SYT1: variants seen among roughly 807,000 people sequenced by gnomAD.
The protein encoded by SYT1 is synaptotagmin 1, also known as synaptotagmin-1.
In SYT1, 8 loss-of-function variants were observed where a neutral mutation model predicts 44.8. The ratio of observed to expected loss-of-function variants is 0.18; its 90% CI spans 0.10 to 0.32. The LOEUF is 0.32. SYT1 is among the 10% of genes least tolerant of loss of function. The pLI is 1.00. For missense variants in SYT1, 286 were observed against 509.3 expected (o/e 0.56, Z 4.22); for synonymous variants, 154 against 188.8 (o/e 0.82, Z 1.51).
chr12:79,109,387 G>A lies in SYT1; in HGVS notation c.-18+62025G>A, dbSNP rs539430303. Among the ~76,000 whole-genome samples the A allele has an allele frequency of 3.3e-5, 5 of 152,236 alleles. No individual in the cohort carries two copies. In the East Asian group the frequency reaches 5.8e-4, roughly 18 times the overall value. On this transcript the variant is annotated intron_variant, in intron 3 of 10. Coordinates refer to ENST00000261205, the MANE Select transcript of SYT1 (RefSeq NM_005639.3). ...TCACCATTTTGTAGATAAAAGAATC[G>A]AGGGTCAGAGAAGTTACATGAATGT...
chr12:79,326,688 G>A (rs924612268), intron 8 of SYT1, among the ~76,000 whole-genome samples: 3 of 152,148 alleles, frequency 2.0e-5, no homozygotes, highest in South Asian at 2.1e-4. Flanking sequence ...CCTGCGAGAG[G>A]CAGCTGATTG....
At position 78,950,869 on chromosome 12, in the gene SYT1, A is replaced by G. The variant is rs188188653; in HGVS notation, c.-216-26930A>G. Among the ~76,000 whole-genome samples the G allele has an allele frequency of 2.0e-5, 3 of 152,262 alleles. No individual in the cohort carries two copies. The East Asian group carries it at 5.8e-4, about 29-fold the overall frequency. On this transcript the variant is annotated intron_variant, in intron 1 of 10. Coordinates refer to ENST00000261205, the MANE Select transcript of SYT1 (RefSeq NM_005639.3). The stretch of plus-strand genomic sequence containing the variant: ...TAACAGGAAACCTGGCTGTTCAGAC[A>G]AAAATGGAGTTGCCATAGTGCTCTA...
At chr12:78,987,068 A>G (rs1806503446) in intron 2 of SYT1, among the ~76,000 whole-genome samples, 1 of 152,064 alleles carries the variant, frequency 6.6e-6, no homozygotes, top group Admixed American at 6.6e-5. Flanking sequence ...TGGTCACCTT[A>G]AATTTCAGAT....
intron 3 of SYT1, among the ~76,000 whole-genome samples, chr12:79,075,075 G>A (rs937198125): frequency 2.0e-5 from 3 of 151,996 alleles, no homozygotes; most frequent in Non-Finnish European, 2.9e-5. Context: ...CCAGAACCAG[G>A]GATTAGAAGA....
chr12:79,274,368 A>C (rs1878597400), intron 4 of SYT1, among the ~76,000 whole-genome samples: 1 of 152,250 alleles, frequency 6.6e-6, no homozygotes, highest in South Asian at 2.1e-4. Context: ...CTTCTGCTGA[A>C]GTCTGCAGGT....
intron 4 of SYT1, among the ~76,000 whole-genome samples, chr12:79,226,968 C>T (rs539306857): frequency 7.2e-5 from 11 of 152,174 alleles, no homozygotes; most frequent in South Asian, 2.1e-4. Flanking sequence ...ATGCTAATGA[C>T]GGGTAACAAA....
At chr12:79,171,077 C>T (rs1592814882) in intron 3 of SYT1, among the ~76,000 whole-genome samples, 2 of 152,004 alleles carry the variant, frequency 1.3e-5, no homozygotes, top group Admixed American at 1.3e-4. Flanking sequence ...CAATACCATG[C>T]TGTTTGGATT....
At chr12:79,423,166 G>T (rs990489044) in intron 9 of SYT1, among the ~76,000 whole-genome samples, 2 of 152,124 alleles carry the variant, frequency 1.3e-5, no homozygotes, top group Non-Finnish European at 2.9e-5. Flanking sequence ...AGCCAGCATT[G>T]TATGTGTGTG....
intron 3 of SYT1, among the ~76,000 whole-genome samples, chr12:79,108,468 A>T (rs891409873): frequency 8.5e-5 from 13 of 152,172 alleles, no homozygotes; most frequent in Middle Eastern, 3.4e-3. Context: ...CATTTTAAAA[A>T]TAGAGAAAGC....
At chr12:79,291,498 G>A (rs1879579731) in intron 5 of SYT1, among the ~76,000 whole-genome samples, 1 of 152,018 alleles carries the variant, frequency 6.6e-6, no homozygotes, top group South Asian at 2.1e-4. Context: ...TGAAACACAG[G>A]GAATTTAAAT....
intron 9 of SYT1, among the ~76,000 whole-genome samples, chr12:79,431,471 T>C (rs1593061996): frequency 6.6e-6 from 1 of 151,724 alleles, no homozygotes; most frequent in Admixed American, 6.6e-5. Context: ...TTTTCCTATA[T>C]ATGGTATAAT....
intron 1 of SYT1, chr12:78,926,851 C>T (rs1363423346): frequency 6.6e-6 from 1 of 152,042 alleles, no homozygotes; most frequent in African/African-American, 2.4e-5. Context: ...AGGTAAGTTA[C>T]AAGTTGCATA....
At chr12:78,939,009 A>G (rs1315758898) in intron 1 of SYT1, among the ~76,000 whole-genome samples, 1 of 152,216 alleles carries the variant, frequency 6.6e-6, no homozygotes, top group Non-Finnish European at 1.5e-5. Flanking sequence ...TCTTCAGGGA[A>G]GCATCTGTCA....
chr12:79,217,642 T>C lies in SYT1; in HGVS notation c.123T>C (p.Ser41=). Residue 41 remains serine (S), a synonymous_variant, in exon 4 of 11, where the codon TCT becomes TCC. Transcript: ENST00000261205. ...SPGEGKEDAF[S]KLKEKFMNEL... is the part of the protein sequence containing the mutation. Reference sequence around the variant, plus strand: ...GAGAAGGAAAGGAAGATGCATTTTCTAAGCTGAAGGAGAAGTTTATGAATG... The same window carrying C: ...GAGAAGGAAAGGAAGATGCATTTTCCAAGCTGAAGGAGAAGTTTATGAATG... 1 of 1,613,210 alleles carries C rather than the reference T, an allele frequency of 6.2e-7. No homozygotes were observed. Among genetic ancestry groups the C allele is most frequent in the Non-Finnish European group, 8.5e-7 (1 of 1,179,596 alleles).
chr12:79,205,624 C>T (rs1044663394), intron 3 of SYT1, among the ~76,000 whole-genome samples: 2 of 152,012 alleles, frequency 1.3e-5, no homozygotes, highest in East Asian at 3.9e-4. Context: ...TGTATAAAAC[C>T]TTCTGATTTT....
intron 3 of SYT1, among the ~76,000 whole-genome samples, chr12:79,194,463 T>TTAC (rs1324445776): frequency 6.6e-6 from 1 of 151,394 alleles, no homozygotes; most frequent in African/African-American, 2.4e-5. Context: ...GTTATTATTA[T>TTAC]TATTATTATT....
chr12:79,202,183 A>G (rs776012396), intron 3 of SYT1, among the ~76,000 whole-genome samples: 4 of 152,264 alleles, frequency 2.6e-5, no homozygotes, highest in Admixed American at 2.6e-4. Flanking sequence ...AAACTGTGGT[A>G]TATTCATCAG....
At chr12:79,374,223 TC>T (rs938611495) in intron 9 of SYT1, among the ~76,000 whole-genome samples, 8 of 152,248 alleles carry the variant, frequency 5.3e-5, no homozygotes, top group Admixed American at 1.3e-4. Context: ...AAGTAGAAAC[TC>T]TGGTATTTTC....
chr12:79,229,663 G>A (rs770665744), intron 4 of SYT1, among the ~76,000 whole-genome samples: 7 of 151,528 alleles, frequency 4.6e-5, no homozygotes, highest in Middle Eastern at 3.4e-3. Flanking sequence ...GCACAATCCC[G>A]GCTCACTACA....
Sources: gnomAD v4.1 joint callset for allele counts (sites outside exome capture counted in the v4.1 genomes callset) on GRCh38, gnomAD v4.1.1 for gene constraint, MANE v1.5 for transcripts, NCBI Gene and HGNC (gene_info 2026-07-23, HGNC 2026-07-21) for gene names.